CARMIL1: variants seen among roughly 807,000 people sequenced by gnomAD.
CARMIL1 encodes the protein F-actin-uncapping protein LRRC16A.
A neutral mutation model predicts 177.1 loss-of-function variants in CARMIL1; 90 were observed. The observed-to-expected ratio is 0.51, with a 90% CI of 0.43 to 0.61. CARMIL1 has a LOEUF of 0.61. CARMIL1 is among the 20% of genes least tolerant of loss of function. The probability of loss-of-function intolerance (pLI) is 0.00; values close to 1 mark genes in which losing one functional copy is unlikely to be tolerated. For missense variants in CARMIL1, 1,380 were observed against 1,667.0 expected (o/e 0.83, Z 3.00); for synonymous variants, 577 against 606.2 (o/e 0.95, Z 0.71).
intron 5 of CARMIL1, 151 bp from the exon 6 acceptor site, chr6:25,449,747 T>TG: frequency 1.9e-6 from 1 of 531,414 alleles, no homozygotes; most frequent in South Asian, 3.0e-5. Context: ...TCTCTAGTGC[T>TG]CAAAAAAATT....
intron 12 of CARMIL1, among the ~76,000 whole-genome samples, chr6:25,484,989 A>G (rs1190211857): frequency 6.6e-6 from 1 of 152,160 alleles, no homozygotes; most frequent in Admixed American, 6.5e-5. Flanking sequence ...GAGCTATGAC[A>G]GGGCCACTGC....
intron 2 of CARMIL1, among the ~76,000 whole-genome samples, chr6:25,309,856 G>A (rs1230186848): frequency 7.5e-5 from 11 of 145,882 alleles, no homozygotes; most frequent in Non-Finnish European, 1.3e-4. Flanking sequence ...TGCAAGCTCC[G>A]TCTCCTGGGT....
Position 25,518,686 on chromosome 6 carries a change from G to A in CARMIL1, c.1874+1271G>A, listed in dbSNP as rs569003689. ...ATGTTGTTGTAGACTGCCAGTGCAG[G>A]CTGGTGTTTGGAAGAAGCCAGGAGC... On this transcript the variant is annotated intron_variant, in intron 22 of 36. Transcript: ENST00000329474. 1.1e-4 allele frequency among the ~76,000 whole-genome samples: 16 copies of A among 152,292 alleles called. 1 individual carries two copies. The highest frequency in any genetic ancestry group is 3.9e-4 in the African/African-American group (16 of 41,546).
chr6:25,483,364 G>A (rs947089132), intron 12 of CARMIL1, among the ~76,000 whole-genome samples: 3 of 152,154 alleles, frequency 2.0e-5, no homozygotes, highest in Non-Finnish European at 4.4e-5. Flanking sequence ...GTATGAACAT[G>A]CATTTATAAT....
chr6:25,551,042 G>A lies in CARMIL1; in HGVS notation c.2461G>A (p.Val821Ile). ...ISIPRTFVKN[V>I]LLEQSGIDIL... ...TATTCCACGTACCTTTGTTAAAAAT[G>A]TCCTGTTGGAGCAGTCTGGAATTGA... The change falls in exon 27 of 37, where the codon GTC (valine) becomes ATC (isoleucine). Residue 821 changes from valine to isoleucine, a missense_variant. Physicochemically the swap from Val to Ile is conservative, Grantham distance 29 (BLOSUM62 3). Transcript: ENST00000329474. The A allele has an allele frequency of 6.2e-7, 1 of 1,613,424 alleles. No homozygotes were observed. The highest frequency in any genetic ancestry group is 8.5e-7 in the Non-Finnish European group (1 of 1,179,544).
intron 2 of CARMIL1, among the ~76,000 whole-genome samples, chr6:25,404,755 TAA>T (rs56012794): frequency 1.2e-3 from 161 of 139,310 alleles, no homozygotes; most frequent in Admixed American, 3.2e-3. Context: ...GACTTCGTCT[TAA>T]AAAAAAAAAA....
intron 2 of CARMIL1, among the ~76,000 whole-genome samples, chr6:25,318,462 A>T (rs894473964): frequency 5.3e-5 from 8 of 152,168 alleles, no homozygotes; most frequent in Admixed American, 3.9e-4. Context: ...GGGGAGCTTG[A>T]TAAACTAAGC....
intron 32 of CARMIL1, among the ~76,000 whole-genome samples, chr6:25,597,147 A>G (rs1350063046): frequency 6.6e-6 from 1 of 152,084 alleles, no homozygotes; most frequent in Non-Finnish European, 1.5e-5. Flanking sequence ...GTGCAAAAAG[A>G]AAGGAGGGAT....
intron 9 of CARMIL1, among the ~76,000 whole-genome samples, chr6:25,468,527 C>T (rs1476776883): frequency 6.6e-6 from 1 of 152,210 alleles, no homozygotes; most frequent in East Asian, 1.9e-4. Flanking sequence ...GCCACTGTAT[C>T]CAGTTTTTAA....
At chr6:25,519,085 T>G (rs1441257866) in intron 22 of CARMIL1, among the ~76,000 whole-genome samples, 1 of 152,274 alleles carries the variant, frequency 6.6e-6, no homozygotes, top group Non-Finnish European at 1.5e-5. Context: ...CCATCTAGAC[T>G]GCTACTATTA....
intron 8 of CARMIL1, among the ~76,000 whole-genome samples, chr6:25,454,630 G>C (rs1799299985): frequency 6.6e-6 from 1 of 151,136 alleles, no homozygotes; most frequent in South Asian, 2.1e-4. Flanking sequence ...AAAAATAGAT[G>C]GTATTCAAAA....
intron 29 of CARMIL1, among the ~76,000 whole-genome samples, chr6:25,566,859 G>A (rs572769206): frequency 1.2e-4 from 19 of 152,254 alleles, no homozygotes; most frequent in African/African-American, 4.6e-4. Flanking sequence ...GATTAATCTG[G>A]GAGCTATAGA....
intron 2 of CARMIL1, among the ~76,000 whole-genome samples, chr6:25,343,535 C>T (rs1005216714): frequency 1.3e-4 from 20 of 152,128 alleles, no homozygotes; most frequent in African/African-American, 4.6e-4. Flanking sequence ...GAAGCAATCT[C>T]ATCACACGTC....
At chr6:25,529,471 A>G (rs1807497860) in intron 24 of CARMIL1, among the ~76,000 whole-genome samples, 1 of 152,224 alleles carries the variant, frequency 6.6e-6, no homozygotes, top group South Asian at 2.1e-4. Context: ...TCTTTTCCAA[A>G]AATTAACCAA....
At chr6:25,391,647 A>T (rs917976361) in intron 2 of CARMIL1, among the ~76,000 whole-genome samples, 3 of 152,220 alleles carry the variant, frequency 2.0e-5, no homozygotes, top group Non-Finnish European at 2.9e-5. Context: ...ACAGTGAGAT[A>T]TAATTAAAAC....
Position 25,471,191 on chromosome 6 carries a change from T to C in CARMIL1, c.713T>C (p.Ile238Thr). 1 of 1,612,956 alleles carries C rather than the reference T, an allele frequency of 6.2e-7. No individual in the cohort carries two copies. Reference protein sequence around the residue: ...LKLSTDVCEQILRVVSRSNRL... With the variant: ...LKLSTDVCEQTLRVVSRSNRL... ...CAGTCCACTGATGTCTGTGAACAGA[T>C]CTTGAGGGTGGTGAGTAGGTCCAAT... The change falls in exon 10 of 37, where the codon ATC becomes ACC. Residue 238 changes from isoleucine to threonine, a missense_variant. By Grantham distance (89) the Ile-to-Thr change is moderately conservative. Transcript: ENST00000329474.
rs745758225 is a variant in CARMIL1, at chr6:25,284,809, C to A, written c.41-3C>A. ...TAATAACATAATTCCTTTTTTTTTT[C>A]AGAAAGCATAAAGGATGTTATTGGC... On this transcript the variant is annotated splice_polypyrimidine_tract_variant and splice_region_variant and intron_variant, in intron 1 of 36. Transcript: ENST00000329474. The A allele has an allele frequency of 7.0e-6, 10 of 1,428,006 alleles. No individual in the cohort carries two copies. In the South Asian group the frequency reaches 1.2e-4, roughly 17 times the overall value. 88.5% of individuals were successfully genotyped at this position (1,428,006 alleles called of 1,614,324 possible). A position where few individuals can be genotyped will look rare whatever the true frequency, so the allele number is the denominator to read the frequency against.
intron 17 of CARMIL1, among the ~76,000 whole-genome samples, chr6:25,504,704 CTCTT>C (rs1176218420): frequency 2.0e-5 from 3 of 152,192 alleles, no homozygotes; most frequent in Non-Finnish European, 4.4e-5. Flanking sequence ...ATCATCACCT[CTCTT>C]TCTTTCCCTT....
chr6:25,554,698 G>T lies in CARMIL1; in HGVS notation c.2592+602G>T, dbSNP rs936234059. On this transcript the variant is annotated intron_variant, in intron 28 of 36. Coordinates refer to ENST00000329474, the MANE Select transcript of CARMIL1 (RefSeq NM_017640.6). This position sits in a 1 kb window ranked among gnomAD's most constrained non-coding sequence, Gnocchi z 4.6. The stretch of plus-strand genomic sequence containing the variant: ...CTCAATGTTGCGCAAACTTCAGGAA[G>T]TTCTCTGAGGTACAGATGAAGCTTT... 1.3e-5 allele frequency among the ~76,000 whole-genome samples: 2 copies of T among 152,132 alleles called. No individual in the cohort carries two copies. Among genetic ancestry groups the T allele is most frequent in the African/African-American group, 4.8e-5 (2 of 41,418 alleles).
Sources: gnomAD v4.1 joint callset for allele counts (sites outside exome capture counted in the v4.1 genomes callset) on GRCh38, gnomAD v4.1.1 for gene constraint, Gnocchi (gnomAD v3.1) non-coding constraint, MANE v1.5 for transcripts, NCBI Gene and HGNC (gene_info 2026-07-23, HGNC 2026-07-21) for gene names.